The following DNAJC11 variants were observed in gnomAD, a reference collection of about 807,000 sequenced individuals.
The protein encoded by DNAJC11 is dnaJ homolog subfamily C member 11.
DNAJC11 carries 15 observed loss-of-function variants against 78.6 expected under a neutral mutation model. The ratio of observed to expected loss-of-function variants is 0.19; its 90% CI spans 0.13 to 0.29. The LOEUF (loss-of-function observed/expected upper bound fraction) is 0.29, where lower values mean the gene tolerates loss of function less well. Ranked by LOEUF, DNAJC11 falls within the 10% of genes least tolerant of loss-of-function variation. The probability of loss-of-function intolerance (pLI) is 1.00; values close to 1 mark genes in which losing one functional copy is unlikely to be tolerated. For missense variants in DNAJC11, 547 were observed against 709.6 expected, an observed-to-expected ratio of 0.77 and a Z score of 2.60; for synonymous variants, 292 against 272.1, an observed-to-expected ratio of 1.07 and a Z score of -0.72.
At position 6,637,629 on chromosome 1, in the gene DNAJC11, A is replaced by G. The variant is rs568187852; in HGVS notation, c.1324-125T>C. 5.0e-5 allele frequency: 54 copies of G among 1,077,678 alleles called. No homozygotes were observed. In the East Asian group the frequency reaches 1.2e-3, roughly 24 times the overall value. The allele number at this position is 1,077,678 out of a possible 1,614,324, so 66.8% of individuals were successfully genotyped here. Reference sequence around the variant, plus strand: ...TTGCTCAGGGCCTGGAAAGGAAGGGAGTGGGCACCCTGACAGCTCTGCTAC... The same window carrying G: ...TTGCTCAGGGCCTGGAAAGGAAGGGGGTGGGCACCCTGACAGCTCTGCTAC... On this transcript the variant is annotated intron_variant, in intron 12 of 15. Coordinates refer to ENST00000377577, the MANE Select transcript of DNAJC11 (RefSeq NM_018198.4).
intron 3 of DNAJC11, among the ~76,000 whole-genome samples, chr1:6,677,946 A>G (rs1220415134): frequency 6.6e-6 from 1 of 152,230 alleles, no homozygotes; most frequent in African/African-American, 2.4e-5. Context: ...CGTGCATAAC[A>G]TACTCCCATC....
Position 6,662,910 on chromosome 1 carries a change from G to A in DNAJC11, c.378+4799C>T, listed in dbSNP as rs191024505. ...GCTCTCCACAATAAATCTTGCTGCT[G>A]CTCACTCTGGGTCCGCACCACCTTT... On this transcript the variant is annotated intron_variant, in intron 4 of 15. Transcript: ENST00000377577. 1.8e-3 allele frequency among the ~76,000 whole-genome samples: 274 copies of A among 152,194 alleles called. 1 individual carries two copies. The highest frequency in any genetic ancestry group is 6.3e-3 in the African/African-American group (261 of 41,510).
Position 6,636,849 on chromosome 1 carries a change from T to C in DNAJC11, c.1524+349A>G, listed in dbSNP as rs916553373. Among the ~76,000 whole-genome samples, 11 of 150,044 alleles carry C rather than the reference T, an allele frequency of 7.3e-5. 1 individual carries two copies. In the South Asian group the frequency reaches 1.7e-3, roughly 23 times the overall value. On this transcript the variant is annotated intron_variant, in intron 14 of 15. Coordinates refer to ENST00000377577, the MANE Select transcript of DNAJC11 (RefSeq NM_018198.4). ...AGACTGAACCTATTCTTCACACCAC[T>C]GTTTGTTTGTTTGTTTTGAGACAGG...
intron 1 of DNAJC11, 151 bp downstream of exon 1, chr1:6,701,578 G>T: frequency 1.4e-6 from 1 of 720,896 alleles, no homozygotes. Context: ...CGCCTCCATC[G>T]GGCGGCTGGC....
rs573126958 is a variant in DNAJC11, at chr1:6,687,296, C to T, written c.73-6259G>A. ...GACTTGGTAAAAAAAAAAAAATTCC[C>T]TATTTCATTTTGTAAAGGTTCCAAC... is the stretch of plus-strand genomic sequence containing the variant. On this transcript the variant is annotated intron_variant, in intron 1 of 15. Transcript: ENST00000377577. 1.6e-4 allele frequency among the ~76,000 whole-genome samples: 25 copies of T among 151,588 alleles called. No individual in the cohort carries two copies. In the East Asian group the frequency reaches 2.9e-3, roughly 18 times the overall value.
intron 3 of DNAJC11, among the ~76,000 whole-genome samples, chr1:6,668,761 CTCT>C (rs1642330726): frequency 1.3e-5 from 2 of 152,106 alleles, no homozygotes; most frequent in African/African-American, 2.4e-5. Flanking sequence ...AATCATGGGA[CTCT>C]TCTTCTTATA....
chr1:6,687,497 C>T (rs867629243), intron 1 of DNAJC11, among the ~76,000 whole-genome samples: 5 of 151,936 alleles, frequency 3.3e-5, no homozygotes, highest in Non-Finnish European at 7.4e-5. Flanking sequence ...GTTGGGACTA[C>T]AGGTGCCCGC....
At chr1:6,673,618 A>T (rs1317461010) in intron 3 of DNAJC11, among the ~76,000 whole-genome samples, 2 of 152,194 alleles carry the variant, frequency 1.3e-5, no homozygotes. Flanking sequence ...CACCTTTTAT[A>T]ACCATGGAAG....
At chr1:6,641,321 GGTTGCA>G (rs2148727991) in intron 10 of DNAJC11, among the ~76,000 whole-genome samples, 1 of 151,026 alleles carries the variant, frequency 6.6e-6, no homozygotes, top group East Asian at 1.9e-4. Context: ...GGGAGGTGGA[GGTTGCA>G]GTGAGCCAAA....
At chr1:6,694,500 C>T (rs1178102899) in intron 1 of DNAJC11, among the ~76,000 whole-genome samples, 1 of 152,104 alleles carries the variant, frequency 6.6e-6, no homozygotes, top group East Asian at 1.9e-4. Flanking sequence ...AGCAGGACAT[C>T]GTGCCCCTTC....
chr1:6,667,179 G>A (rs750802885), intron 4 of DNAJC11, among the ~76,000 whole-genome samples: 6 of 152,094 alleles, frequency 3.9e-5, no homozygotes, highest in Admixed American at 2.0e-4. Context: ...CGGTGGTCAC[G>A]GCACCAATGC....
chr1:6,673,552 C>A (rs1642413589), intron 3 of DNAJC11, among the ~76,000 whole-genome samples: 1 of 152,168 alleles, frequency 6.6e-6, no homozygotes, highest in African/African-American at 2.4e-5. Flanking sequence ...GGAAACGCTA[C>A]AACAACAGTA....
At chr1:6,648,488 G>C (rs1642001663) in intron 7 of DNAJC11, among the ~76,000 whole-genome samples, 1 of 152,008 alleles carries the variant, frequency 6.6e-6, no homozygotes, top group African/African-American at 2.4e-5. Flanking sequence ...AGAGGGTCTT[G>C]CTCTGTCACC....
intron 4 of DNAJC11, among the ~76,000 whole-genome samples, chr1:6,666,829 C>A (rs557587260): frequency 6.6e-6 from 1 of 152,172 alleles, no homozygotes; most frequent in Admixed American, 6.5e-5. Context: ...GATGGAAGAC[C>A]GGGGAGCTCC....
intron 1 of DNAJC11, among the ~76,000 whole-genome samples, chr1:6,696,698 G>T (rs1284516699): frequency 6.6e-6 from 1 of 152,230 alleles, no homozygotes; most frequent in African/African-American, 2.4e-5. Flanking sequence ...TTTCATGGCT[G>T]TTCTGGAAGG....
intron 1 of DNAJC11, among the ~76,000 whole-genome samples, chr1:6,698,550 G>C (rs147676264): frequency 1.3e-3 from 190 of 151,994 alleles, no homozygotes; most frequent in African/African-American, 3.2e-3. Flanking sequence ...TTCTGCAAGG[G>C]AGCATGTTTC....
At chr1:6,657,714 G>C (rs1419460666) in intron 4 of DNAJC11, among the ~76,000 whole-genome samples, 2 of 152,246 alleles carry the variant, frequency 1.3e-5, no homozygotes, top group African/African-American at 4.8e-5. Flanking sequence ...GCACGATCTC[G>C]GCTCGCTGCA....
At chr1:6,686,998 T>C (rs1557487562) in intron 1 of DNAJC11, among the ~76,000 whole-genome samples, 1 of 152,264 alleles carries the variant, frequency 6.6e-6, no homozygotes, top group Non-Finnish European at 1.5e-5. Flanking sequence ...TTACTGTCCA[T>C]ATGTTCCCCA....
At position 6,645,296 on chromosome 1, in the gene DNAJC11, A is replaced by G. The variant is rs200457; in HGVS notation, c.895-170T>C. ...CACCATGATTTATTAGCAGCCAGTAATTAAAAAGTGGGAGACTTCACTGAA... is the reference window on the plus strand; with the variant it reads ...CACCATGATTTATTAGCAGCCAGTAGTTAAAAAGTGGGAGACTTCACTGAA... On this transcript the variant is annotated intron_variant, in intron 8 of 15. Transcript: ENST00000377577. The surrounding 1 kb of genome is among the most constrained non-coding windows in gnomAD (Gnocchi z 4.1). Among the ~76,000 whole-genome samples, 34,173 of 152,186 alleles carry G rather than the reference A, an allele frequency of 0.22. 4,347 individuals carry two copies. The highest frequency in any genetic ancestry group is 0.36 in the Admixed American group (5,484 of 15,276).
Sources: allele counts gnomAD v4.1 joint callset (sites outside exome capture counted in the v4.1 genomes callset), GRCh38; gene constraint gnomAD v4.1.1; non-coding constraint Gnocchi (gnomAD v3.1); transcripts MANE v1.5; gene names NCBI Gene and HGNC (gene_info 2026-07-23, HGNC 2026-07-21).